Variants in NLRP14 observed in about 807,000 individuals in gnomAD.
NLRP14 encodes the protein NACHT, LRR and PYD domains-containing protein 14.
Under a neutral mutation model 94.7 loss-of-function variants are expected in NLRP14, and 105 were observed. The ratio of observed to expected loss-of-function variants is 1.11; its 90% CI spans 0.95 to 1.30. NLRP14 has a LOEUF of 1.30. NLRP14 is among the 50% of genes most tolerant of loss of function. The pLI is 0.00. For missense variants in NLRP14, 1,362 were observed against 1,254.1 expected (o/e 1.09, Z -1.30); for synonymous variants, 508 against 459.9 (o/e 1.10, Z -1.34).
At chr11:7,029,518 T>C (rs1852061948) in intron 1 of NLRP14, among the ~76,000 whole-genome samples, 1 of 152,244 alleles carries the variant, frequency 6.6e-6, no homozygotes, top group Non-Finnish European at 1.5e-5. Flanking sequence ...GTGTTCAATA[T>C]AGGATCTTTG....
In NLRP14 at chr11:7,043,595, C is replaced by G; in HGVS notation, c.1569C>G (p.Pro523=). ...TTCAAAGCACAAGTTATAAAGACCC[C>G]CATTTGACACAGATGAAGTGCTTTT... ...SLLQSTSYKD[P]HLTQMKCFLF... The change falls in exon 4 of 12, where the codon CCC becomes CCG. Residue 523 remains proline (P), a synonymous_variant. Coordinates refer to ENST00000299481, the MANE Select transcript of NLRP14 (RefSeq NM_176822.4). 2 of 1,614,152 alleles carry G rather than the reference C, an allele frequency of 1.2e-6. No individual in the cohort carries two copies. Among genetic ancestry groups the G allele is most frequent in the Non-Finnish European group, 8.5e-7 (1 of 1,180,038 alleles).
chr11:7,044,445 C>T (rs1852321248), intron 4 of NLRP14, among the ~76,000 whole-genome samples: 1 of 152,180 alleles, frequency 6.6e-6, no homozygotes, highest in South Asian at 2.1e-4. Flanking sequence ...CCTCCGTACT[C>T]CACTGACCTA....
downstream of NLRP14, among the ~76,000 whole-genome samples, chr11:7,075,125 C>A (rs540265069): frequency 6.6e-6 from 1 of 152,076 alleles, no homozygotes; most frequent in Non-Finnish European, 1.5e-5. Context: ...TCTGACCTCC[C>A]GTCTCTCCTG....
intron 6 of NLRP14, among the ~76,000 whole-genome samples, chr11:7,050,519 A>T (rs945311853): frequency 1.3e-5 from 2 of 152,242 alleles, no homozygotes; most frequent in African/African-American, 4.8e-5. Flanking sequence ...AGACAAAACA[A>T]ATAGTTACAG....
chr11:7,031,215 G>C lies in NLRP14; in HGVS notation c.-21-7351G>C, dbSNP rs372587978. Among the ~76,000 whole-genome samples, 15 of 152,330 alleles carry C rather than the reference G, an allele frequency of 9.8e-5. No individual in the cohort carries two copies. The South Asian group carries it at 3.1e-3, about 32-fold the overall frequency. ...TTATACCCTTTGCCACCGACGCCTGGTGAGACCGAGGTATGGAATGACTCT... is the reference window on the plus strand; with the variant it reads ...TTATACCCTTTGCCACCGACGCCTGCTGAGACCGAGGTATGGAATGACTCT... On this transcript the variant is annotated intron_variant, in intron 1 of 11. Transcript: ENST00000299481.
intron 1 of NLRP14, among the ~76,000 whole-genome samples, chr11:7,032,952 G>C: frequency 6.6e-6 from 1 of 151,752 alleles, no homozygotes; most frequent in South Asian, 2.1e-4. Context: ...CAGGACATAA[G>C]GCCCCCTTCA....
intron 1 of NLRP14, among the ~76,000 whole-genome samples, chr11:7,031,042 C>G (rs1392876112): frequency 1.3e-5 from 2 of 152,214 alleles, no homozygotes; most frequent in African/African-American, 4.8e-5. Context: ...ACCACCCACG[C>G]TGGCCCGCAG....
chr11:7,036,252 G>A (rs1328201036), intron 1 of NLRP14, among the ~76,000 whole-genome samples: 1 of 152,166 alleles, frequency 6.6e-6, no homozygotes, highest in Non-Finnish European at 1.5e-5. Flanking sequence ...CTTCCTATAA[G>A]AGAAACAGTG....
At chr11:7,036,992 T>C (rs765877375) in intron 1 of NLRP14, among the ~76,000 whole-genome samples, 10 of 152,104 alleles carry the variant, frequency 6.6e-5, no homozygotes, top group African/African-American at 1.4e-4. Flanking sequence ...AAATAAGCTA[T>C]AGAAAAGGGA....
At chr11:7,060,490 A>G (rs1354034919) in intron 9 of NLRP14, among the ~76,000 whole-genome samples, 3 of 150,418 alleles carry the variant, frequency 2.0e-5, no homozygotes, top group Non-Finnish European at 4.4e-5. Flanking sequence ...CCTACAATCT[A>G]TTGCTGAACA....
the NLRP14 span, among the ~76,000 whole-genome samples, chr11:7,079,991 G>A: frequency 6.6e-6 from 1 of 152,194 alleles, no homozygotes; most frequent in African/African-American, 2.4e-5. Context: ...GTGGAATGTG[G>A]GCTGTATAGA....
chr11:7,063,600 A>T (rs973401803), intron 10 of NLRP14, among the ~76,000 whole-genome samples: 1 of 152,050 alleles, frequency 6.6e-6, no homozygotes, highest in African/African-American at 2.4e-5. Context: ...TCTCCCCAAA[A>T]TATCTACCCC....
At chr11:7,080,930 A>T in the NLRP14 span, among the ~76,000 whole-genome samples, 2 of 151,980 alleles carry the variant, frequency 1.3e-5, no homozygotes, top group Non-Finnish European at 2.9e-5. Context: ...ACAAGCTTGG[A>T]ATGTTTATGT....
chr11:7,037,894 T>C (rs552316740), intron 1 of NLRP14, among the ~76,000 whole-genome samples: 1 of 152,188 alleles, frequency 6.6e-6, no homozygotes, highest in South Asian at 2.1e-4. Context: ...ATGTTTTTGA[T>C]GCACTTTAAC....
intron 6 of NLRP14, among the ~76,000 whole-genome samples, 180 bp from the exon 7 acceptor site, chr11:7,057,497 T>G (rs569880629): frequency 6.6e-6 from 1 of 152,202 alleles, no homozygotes; most frequent in East Asian, 1.9e-4. Context: ...TTCCCTTCCC[T>G]CCTTAACTCT....
Position 7,044,100 on chromosome 11 carries a change from G to A in NLRP14, c.1958+116G>A, listed in dbSNP as rs541388762. 6.9e-6 allele frequency: 7 copies of A among 1,016,280 alleles called. No individual in the cohort carries two copies. In the African/African-American group the frequency reaches 9.5e-5, roughly 14 times the overall value. 63.0% of individuals were successfully genotyped at this position (1,016,280 alleles called of 1,614,324 possible). A position where few individuals can be genotyped will look rare whatever the true frequency, so the allele number is the denominator to read the frequency against. On this transcript the variant is annotated intron_variant, in intron 4 of 11. Transcript: ENST00000299481. ...AGAGCTGAGATAACCCTCTGGAGTT[G>A]TCCCATCTTGAGGCAGGGAGGCTAA...
chr11:7,075,234 C>G (rs1482033981), downstream of NLRP14, among the ~76,000 whole-genome samples: 2 of 152,140 alleles, frequency 1.3e-5, no homozygotes, highest in Non-Finnish European at 2.9e-5. Flanking sequence ...TATTATTTCT[C>G]AAGCCTAATA....
At chr11:7,054,415 A>G (rs948345919) in intron 6 of NLRP14, among the ~76,000 whole-genome samples, 1 of 152,112 alleles carries the variant, frequency 6.6e-6, no homozygotes, top group Non-Finnish European at 1.5e-5. Flanking sequence ...GTTAATTTAC[A>G]CTGCTACTAA....
At chr11:7,059,472 C>T (rs1176273754) in intron 8 of NLRP14, among the ~76,000 whole-genome samples, 1 of 151,840 alleles carries the variant, frequency 6.6e-6, no homozygotes, top group Non-Finnish European at 1.5e-5. Context: ...CCCCATATAT[C>T]AGATCTATTG....
Sources: gnomAD v4.1 joint callset for allele counts (sites outside exome capture counted in the v4.1 genomes callset) on GRCh38, gnomAD v4.1.1 for gene constraint, MANE v1.5 for transcripts, NCBI Gene and HGNC (gene_info 2026-07-23, HGNC 2026-07-21) for gene names.